Variants in TRRAP observed in about 807,000 individuals in gnomAD.
TRRAP encodes the protein transformation/transcription domain associated protein.
In TRRAP, 41 loss-of-function variants were observed where a neutral mutation model predicts 438.8. The ratio of observed to expected loss-of-function variants is 0.09; its 90% CI spans 0.07 to 0.12. The LOEUF is 0.12. TRRAP is among the 10% of genes least tolerant of loss of function. The pLI, the probability that TRRAP is intolerant of heterozygous loss-of-function variation, is 1.00. For missense variants in TRRAP, 3,122 were observed against 5,055.1 expected (o/e 0.62, Z 11.60); for synonymous variants, 1,994 against 1,962.9 (o/e 1.02, Z -0.42).
chr7:99,004,748 G>A (rs1794082544), intron 68 of TRRAP, among the ~76,000 whole-genome samples: 1 of 152,222 alleles, frequency 6.6e-6, no homozygotes, highest in African/African-American at 2.4e-5. Context: ...ATTTCCTAGA[G>A]TGTGCTGCAT....
At position 98,910,218 on chromosome 7, in the gene TRRAP, G is replaced by GGCCCCCCCCCCCCCCCCCCCCCCCCC. The variant is rs1797006981; in HGVS notation, c.1513_1514insGCCCCCCCCCCCCCCCCCCCCCCCCC (p.Ala505GlyfsTer24). 2.2e-6 allele frequency: 3 copies of GGCCCCCCCCCCCCCCCCCCCCCCCCC among 1,377,600 alleles called. No individual in the cohort carries two copies. Among genetic ancestry groups the GGCCCCCCCCCCCCCCCCCCCCCCCCC allele is most frequent in the Non-Finnish European group, 1.9e-6 (2 of 1,064,930 alleles). 85.3% of individuals were successfully genotyped at this position (1,377,600 alleles called of 1,614,324 possible). ...TGCTCCCTCCCCAGCCCCTGTCCCT[G>GGCCCCCCCCCCCCCCCCCCCCCCCCC]CCCCACCTCCACCCCCGCCCCCACC... On this transcript the variant is annotated frameshift_variant, in exon 15 of 73. Coordinates refer to ENST00000456197, the MANE Select transcript of TRRAP (RefSeq NM_001375524.1). LOFTEE classifies it high-confidence loss of function.
rs1554412673 is a variant in TRRAP, at chr7:98,930,748, G to A, written c.3509G>A (p.Arg1170Gln). ...GTGTCTATTAAGTTTCTCATGGAGCGGCTGCCTCTCACTTGGGTTCTCCAG... is the reference window on the plus strand; with the variant it reads ...GTGTCTATTAAGTTTCTCATGGAGCAGCTGCCTCTCACTTGGGTTCTCCAG... ...GVVSIKFLME[R>Q]LPLTWVLQNQ... Residue 1170 changes from arginine to glutamine, a missense_variant, in exon 25 of 73, where the codon CGG becomes CAG. By Grantham distance (43) the Arg-to-Gln change is conservative. Transcript: ENST00000456197. 5.6e-6 allele frequency: 9 copies of A among 1,614,200 alleles called. No individual in the cohort carries two copies. The highest frequency in any genetic ancestry group is 2.2e-5 in the East Asian group (1 of 44,878).
chr7:98,950,014 T>C, intron 37 of TRRAP, 50 bp from the exon 38 acceptor site: 1 of 1,609,556 alleles, frequency 6.2e-7, no homozygotes, highest in East Asian at 2.2e-5. Flanking sequence ...GGCGTAGTTG[T>C]TAATGAAATT....
intron 51 of TRRAP, among the ~76,000 whole-genome samples, chr7:98,969,827 AC>A (rs1430431261): frequency 6.6e-6 from 1 of 152,110 alleles, no homozygotes; most frequent in Non-Finnish European, 1.5e-5. Context: ...GGGAGGTTCC[AC>A]CCAGGTGGGA....
At chr7:98,924,725 T>A (rs1789960811) in intron 21 of TRRAP, among the ~76,000 whole-genome samples, 1 of 140,232 alleles carries the variant, frequency 7.1e-6, no homozygotes, top group African/African-American at 2.7e-5. Context: ...TGGGTGTGGC[T>A]GGGCGCGGTG....
At chr7:98,974,357 C>G (rs1792551777) in intron 53 of TRRAP, among the ~76,000 whole-genome samples, 1 of 152,188 alleles carries the variant, frequency 6.6e-6, no homozygotes, top group South Asian at 2.1e-4. Context: ...TTCTTAGACT[C>G]TTGGATTCTA....
At chr7:98,879,583 G>A (rs901656550) in intron 1 of TRRAP, among the ~76,000 whole-genome samples, 7 of 152,210 alleles carry the variant, frequency 4.6e-5, no homozygotes, top group Admixed American at 6.5e-5. Context: ...GGCAGGGAGA[G>A]TCCGTGACCC....
chr7:99,010,910 A>G (rs1794398918), intron 70 of TRRAP, 142 bp from the exon 71 acceptor site: 3 of 858,918 alleles, frequency 3.5e-6, no homozygotes, highest in South Asian at 3.4e-5. Flanking sequence ...GTCTCCTAAC[A>G]ATGCGTGCGT....
chr7:99,000,314 TC>T (rs1242983544), intron 67 of TRRAP, among the ~76,000 whole-genome samples: 2 of 152,156 alleles, frequency 1.3e-5, no homozygotes, highest in Non-Finnish European at 2.9e-5. Flanking sequence ...GCCATGTATT[TC>T]AGTTTAGAGT....
At chr7:98,942,906 C>G in intron 30 of TRRAP, 43 bp from the exon 31 acceptor site, 2 of 1,603,544 alleles carry the variant, frequency 1.2e-6, no homozygotes, top group Non-Finnish European at 1.7e-6. Flanking sequence ...CAGTGGAATG[C>G]ACCTACTGTG....
Position 98,950,927 on chromosome 7 carries a change from G to A in TRRAP, c.5386G>A (p.Glu1796Lys). 11 of 1,608,238 alleles carry A rather than the reference G, an allele frequency of 6.8e-6. No homozygotes were observed. Among genetic ancestry groups the A allele is most frequent in the South Asian group, 1.1e-5 (1 of 89,908 alleles). ...TTTCTTGTACAGCTTTGAGAAGGGG[G>A]AAGGAGAGCAGCTCTTGGGACCTCC... is the stretch of plus-strand genomic sequence containing the variant. ...PAFLYSFEKGEGEQLLGPPNP... is the reference protein window; with the variant it reads ...PAFLYSFEKGKGEQLLGPPNP... Residue 1796 changes from glutamate (E) to lysine (K), a missense_variant, in exon 39 of 73, where the codon GAA becomes AAA. Physicochemically the swap from Glu to Lys is moderately conservative, Grantham distance 56. Transcript: ENST00000456197.
chr7:98,945,124 C>T (rs751599172), intron 31 of TRRAP, among the ~76,000 whole-genome samples: 1 of 152,196 alleles, frequency 6.6e-6, no homozygotes, highest in African/African-American at 2.4e-5. Flanking sequence ...GCTTTGGATA[C>T]CCCTTTGATC....
chr7:98,938,148 C>T, intron 30 of TRRAP, among the ~76,000 whole-genome samples: 1 of 152,144 alleles, frequency 6.6e-6, no homozygotes. Flanking sequence ...GCACTCCAGC[C>T]TGGGCAACGA....
At chr7:98,933,646 C>T (rs1364502523) in intron 27 of TRRAP, among the ~76,000 whole-genome samples, 1 of 152,200 alleles carries the variant, frequency 6.6e-6, no homozygotes, top group African/African-American at 2.4e-5. Context: ...TTAGCCCCAA[C>T]AGGAATCTTT....
At chr7:98,949,346 A>G in intron 35 of TRRAP, 71 bp from the exon 36 acceptor site, 1 of 1,391,266 alleles carries the variant, frequency 7.2e-7, no homozygotes, top group South Asian at 2.0e-5. Context: ...GAAAGATTTA[A>G]CATTCATATC....
At position 99,011,583 on chromosome 7, in the gene TRRAP, G is replaced by C. The variant is rs749423483; in HGVS notation, c.11337+48G>C. On this transcript the variant is annotated intron_variant, in intron 72 of 72. Transcript: ENST00000456197. The surrounding 1 kb of genome is among the most constrained non-coding windows in gnomAD (Gnocchi z 7.1). ...CACAGGCGCAGGCTAGAGCCACTCA[G>C]ATGCCCGCGCGTCACGGCCTTGCAG... 7 of 1,581,686 alleles carry C rather than the reference G, an allele frequency of 4.4e-6. No individual in the cohort carries two copies. The East Asian group carries it at 1.6e-4, about 35-fold the overall frequency.
At chr7:98,924,100 TA>T in intron 21 of TRRAP, among the ~76,000 whole-genome samples, 1 of 152,322 alleles carries the variant, frequency 6.6e-6, no homozygotes, top group South Asian at 2.1e-4. Flanking sequence ...GAAAGTTCAT[TA>T]TTATTCTTGT....
At chr7:98,979,475 G>A (rs1792815718) in intron 58 of TRRAP, among the ~76,000 whole-genome samples, 1 of 152,182 alleles carries the variant, frequency 6.6e-6, no homozygotes, top group South Asian at 2.1e-4. Flanking sequence ...CTCTGTACAT[G>A]CTTAGTACAG....
chr7:98,969,057 A>G (rs1792286800), intron 51 of TRRAP, among the ~76,000 whole-genome samples: 1 of 152,218 alleles, frequency 6.6e-6, no homozygotes. Context: ...TGCGGGTGAC[A>G]GTTCAGGGCC....
Sources: allele counts gnomAD v4.1 joint callset (sites outside exome capture counted in the v4.1 genomes callset), GRCh38; gene constraint gnomAD v4.1.1; non-coding constraint Gnocchi (gnomAD v3.1); transcripts MANE v1.5; gene names NCBI Gene and HGNC (gene_info 2026-07-23, HGNC 2026-07-21).